The following CALD1 variants were observed in gnomAD, a reference collection of about 807,000 sequenced individuals.
The protein encoded by CALD1 is caldesmon.
CALD1 carries 33 observed loss-of-function variants against 99.9 expected under a neutral mutation model. The observed-to-expected ratio is 0.33, with a 90% confidence interval of 0.25 to 0.44. The LOEUF (loss-of-function observed/expected upper bound fraction) is 0.44, where lower values mean the gene tolerates loss of function less well. Among genes scored for constraint, CALD1 ranks in the 20% least tolerant of loss-of-function variants. The pLI is 1.00. For synonymous variants in CALD1, 310 were observed against 325.0 expected, an observed-to-expected ratio of 0.95 and a Z score of 0.50; for missense variants, 861 against 962.1, an observed-to-expected ratio of 0.89 and a Z score of 1.39.
chr7:134,826,019 C>T (rs1245655244), intron 1 of CALD1, among the ~76,000 whole-genome samples: 3 of 152,088 alleles, frequency 2.0e-5, no homozygotes, highest in Non-Finnish European at 4.4e-5. Context: ...ATCCTGTAAA[C>T]TGATTTTAAA....
chr7:134,908,102 A>G (rs905543020), intron 3 of CALD1, among the ~76,000 whole-genome samples: 4 of 152,156 alleles, frequency 2.6e-5, no homozygotes, highest in Non-Finnish European at 5.9e-5. Context: ...TTGAAAAAAG[A>G]TAGGAATTTG....
At chr7:134,776,286 G>A (rs1337764875), upstream of CALD1, among the ~76,000 whole-genome samples, 1 of 152,038 alleles carries the variant, frequency 6.6e-6, no homozygotes, top group Non-Finnish European at 1.5e-5. Flanking sequence ...CTCTCATTAT[G>A]TTTAAAAAGA....
chr7:134,948,287 G>A (rs1044965899), intron 8 of CALD1, among the ~76,000 whole-genome samples: 33 of 145,264 alleles, frequency 2.3e-4, no homozygotes, highest in Non-Finnish European at 7.5e-5. Flanking sequence ...CAGTATCTGC[G>A]TTGTTCATTA....
chr7:134,964,553 C>T (rs1195626313), intron 13 of CALD1, among the ~76,000 whole-genome samples: 1 of 152,122 alleles, frequency 6.6e-6, no homozygotes, highest in Non-Finnish European at 1.5e-5. Flanking sequence ...CAGCCTGCCC[C>T]TGGGCAGGCA....
At chr7:134,748,914 C>A (rs1358860746) in intron 1 of CALD1, among the ~76,000 whole-genome samples, 2 of 152,060 alleles carry the variant, frequency 1.3e-5, no homozygotes, top group South Asian at 4.2e-4. Context: ...TTAATGCCCT[C>A]ATCAAAAAGG....
chr7:134,747,340 C>T (rs1189071705), intron 1 of CALD1, among the ~76,000 whole-genome samples: 1 of 152,184 alleles, frequency 6.6e-6, no homozygotes, highest in African/African-American at 2.4e-5. Flanking sequence ...CACATGGAGC[C>T]AGGAACCCAG....
intron 3 of CALD1, among the ~76,000 whole-genome samples, chr7:134,892,378 C>T (rs2132515767): frequency 6.6e-6 from 1 of 152,290 alleles, no homozygotes; most frequent in Non-Finnish European, 1.5e-5. Flanking sequence ...ATGCAAAGGG[C>T]CGTTTTCACA....
At chr7:134,957,370 A>C (rs1807855352) in intron 9 of CALD1, among the ~76,000 whole-genome samples, 1 of 152,116 alleles carries the variant, frequency 6.6e-6, no homozygotes, top group Non-Finnish European at 1.5e-5. Context: ...ATACATCCTA[A>C]AGGGTAACAG....
At chr7:134,954,224 G>C (rs1163227517) in intron 9 of CALD1, among the ~76,000 whole-genome samples, 1 of 152,144 alleles carries the variant, frequency 6.6e-6, no homozygotes, top group Non-Finnish European at 1.5e-5. Flanking sequence ...TATGTTAGCA[G>C]TGACTGATTT....
chr7:134,895,536 A>G (rs531970699), intron 3 of CALD1, among the ~76,000 whole-genome samples: 5 of 152,274 alleles, frequency 3.3e-5, no homozygotes, highest in South Asian at 4.1e-4. Context: ...ATCACATAAT[A>G]TTGATGCTTT....
chr7:134,786,541 A>G (rs1207426359), intron 1 of CALD1, among the ~76,000 whole-genome samples: 1 of 152,202 alleles, frequency 6.6e-6, no homozygotes, highest in Non-Finnish European at 1.5e-5. Context: ...GGTTTCTTCG[A>G]TTAATGTCTG....
At chr7:134,780,534 A>G (rs909341234) in intron 1 of CALD1, among the ~76,000 whole-genome samples, 6 of 152,278 alleles carry the variant, frequency 3.9e-5, no homozygotes, top group African/African-American at 1.4e-4. Context: ...GAATCTAAAG[A>G]GATGTCGATT....
At chr7:134,925,179 T>A (rs1804910804) in intron 3 of CALD1, among the ~76,000 whole-genome samples, 1 of 151,366 alleles carries the variant, frequency 6.6e-6, no homozygotes, top group Non-Finnish European at 1.5e-5. Flanking sequence ...CAAGAAGAGG[T>A]AGAAGAGATA....
In CALD1 at chr7:134,960,306, A is replaced by G. The variant is rs529923777; in HGVS notation, c.2199+195A>G. ...TTGCATGAGGTACTAAGCCCGGGCC[A>G]TCTTACTCCAAATAAAGTGCCTGGG... On this transcript the variant is annotated intron_variant, in intron 12 of 14. Coordinates refer to ENST00000361675, the MANE Select transcript of CALD1 (RefSeq NM_033138.4). The G allele has an allele frequency of 3.6e-5, 25 of 694,264 alleles. No homozygotes were observed. In the South Asian group the frequency reaches 4.8e-4, roughly 13 times the overall value. 43.0% of individuals were successfully genotyped at this position (694,264 alleles called of 1,614,324 possible).
chr7:134,795,110 T>C (rs1314945022), intron 1 of CALD1, among the ~76,000 whole-genome samples: 1 of 152,220 alleles, frequency 6.6e-6, no homozygotes. Context: ...ATTTACTTAT[T>C]TGGGAATTTT....
At chr7:134,908,578 T>C (rs1029262163) in intron 3 of CALD1, among the ~76,000 whole-genome samples, 1 of 152,186 alleles carries the variant, frequency 6.6e-6, no homozygotes, top group African/African-American at 2.4e-5. Context: ...TGGGGAGCTT[T>C]CAAAAGTTCT....
At chr7:134,735,663 A>C in the CALD1 span, among the ~76,000 whole-genome samples, 1 of 150,892 alleles carries the variant, frequency 6.6e-6, no homozygotes, top group Admixed American at 6.7e-5. Flanking sequence ...ACTTATTCCA[A>C]GCACTATGAG....
chr7:134,779,931 A>T lies in CALD1; in HGVS notation c.-130+182A>T, dbSNP rs148112123. Among the ~76,000 whole-genome samples, 7 of 152,340 alleles carry T rather than the reference A, an allele frequency of 4.6e-5. No homozygotes were observed. The East Asian group carries it at 1.4e-3, about 29-fold the overall frequency. Reference sequence around the variant, plus strand: ...ATACGGATATTCCCGGAAGGCAAACAGGATGAGATTTCCAGTTTTGTTTTT... The same window carrying T: ...ATACGGATATTCCCGGAAGGCAAACTGGATGAGATTTCCAGTTTTGTTTTT... On this transcript the variant is annotated intron_variant, in intron 1 of 14. Coordinates refer to ENST00000361675, the MANE Select transcript of CALD1 (RefSeq NM_033138.4).
upstream of CALD1, among the ~76,000 whole-genome samples, chr7:134,742,769 C>T (rs1221035338): frequency 1.3e-5 from 2 of 152,220 alleles, no homozygotes; most frequent in East Asian, 3.8e-4. Context: ...GCCCTGTCTC[C>T]ACTGGAAGTT....
Sources: gnomAD v4.1 joint callset for allele counts (sites outside exome capture counted in the v4.1 genomes callset) on GRCh38, gnomAD v4.1.1 for gene constraint, MANE v1.5 for transcripts, NCBI Gene and HGNC (gene_info 2026-07-23, HGNC 2026-07-21) for gene names.